The following SPAG16 variants were observed in gnomAD, a reference collection of about 807,000 sequenced individuals.
SPAG16 encodes the protein sperm-associated antigen 16 protein.
In SPAG16, 86 loss-of-function variants were observed where a neutral mutation model predicts 80.4. The observed-to-expected ratio is 1.07, with a 90% CI of 0.90 to 1.28. SPAG16 has a LOEUF of 1.28. SPAG16 is among the 50% of genes most tolerant of loss of function. SPAG16 has a pLI of 0.00. For missense variants in SPAG16, 870 were observed against 765.3 expected, an observed-to-expected ratio of 1.14 and a Z score of -1.61; for synonymous variants, 294 against 265.9, an observed-to-expected ratio of 1.11 and a Z score of -1.03.
chr2:214,401,844 C>T (rs1701725909), intron 15 of SPAG16, among the ~76,000 whole-genome samples: 1 of 151,740 alleles, frequency 6.6e-6, no homozygotes, highest in Non-Finnish European at 1.5e-5. Flanking sequence ...ATTTTGTAAC[C>T]TTTTTGCTAG....
intron 15 of SPAG16, among the ~76,000 whole-genome samples, chr2:214,353,567 C>T (rs1307701522): frequency 1.3e-5 from 2 of 152,086 alleles, no homozygotes; most frequent in Non-Finnish European, 2.9e-5. Flanking sequence ...ACTGCCTTTA[C>T]AAAGTCCTGT....
intron 9 of SPAG16, among the ~76,000 whole-genome samples, chr2:213,420,953 G>T (rs1054644257): frequency 6.6e-6 from 1 of 152,368 alleles, no homozygotes; most frequent in South Asian, 2.1e-4. Flanking sequence ...TGGCTGCTGT[G>T]AAGACAATGG....
At chr2:214,266,961 C>T (rs1449448431) in intron 15 of SPAG16, among the ~76,000 whole-genome samples, 1 of 150,838 alleles carries the variant, frequency 6.6e-6, no homozygotes, top group African/African-American at 2.4e-5. Context: ...GGAAAGATAC[C>T]CCATGTTTGT....
intron 10 of SPAG16, among the ~76,000 whole-genome samples, chr2:213,804,486 G>A (rs750892835): frequency 7.2e-5 from 11 of 151,976 alleles, no homozygotes; most frequent in East Asian, 1.9e-4. Context: ...GATCGAGACC[G>A]TCCTGGCTAA....
At chr2:213,812,952 G>A (rs551105075) in intron 10 of SPAG16, among the ~76,000 whole-genome samples, 1 of 152,116 alleles carries the variant, frequency 6.6e-6, no homozygotes, top group East Asian at 1.9e-4. Flanking sequence ...AAAAGATTAA[G>A]AAACAGCCTT....
At chr2:214,112,214 G>A (rs2053700903) in intron 14 of SPAG16, among the ~76,000 whole-genome samples, 1 of 152,144 alleles carries the variant, frequency 6.6e-6, no homozygotes, top group Admixed American at 6.6e-5. Flanking sequence ...ATTTGCTGAG[G>A]AGTGCTTTAC....
At chr2:214,044,121 T>G (rs1011065237) in intron 13 of SPAG16, among the ~76,000 whole-genome samples, 1 of 152,186 alleles carries the variant, frequency 6.6e-6, no homozygotes, top group East Asian at 1.9e-4. Flanking sequence ...TTATATTTCA[T>G]GTCAACATTT....
At chr2:213,987,719 G>A (rs929488580) in intron 12 of SPAG16, among the ~76,000 whole-genome samples, 1 of 151,178 alleles carries the variant, frequency 6.6e-6, no homozygotes, top group Non-Finnish European at 1.5e-5. Context: ...TTTTCAAAAG[G>A]TATGCATGCC....
intron 10 of SPAG16, among the ~76,000 whole-genome samples, chr2:213,598,994 T>A (rs973160679): frequency 1.3e-5 from 2 of 152,196 alleles, no homozygotes; most frequent in South Asian, 2.1e-4. Context: ...ATTGAGCAAA[T>A]GTGTATAGGA....
At chr2:213,736,343 G>GAGTGC (rs2067281163) in intron 10 of SPAG16, among the ~76,000 whole-genome samples, 1 of 151,960 alleles carries the variant, frequency 6.6e-6, no homozygotes, top group Non-Finnish European at 1.5e-5. Context: ...ACCCAGGCTG[G>GAGTGC]AGTGCAGTGG....
At chr2:213,830,046 T>C (rs1234592307) in intron 10 of SPAG16, among the ~76,000 whole-genome samples, 1 of 152,180 alleles carries the variant, frequency 6.6e-6, no homozygotes, top group Non-Finnish European at 1.5e-5. Flanking sequence ...CCAAGTCCAC[T>C]GGCTCCATTG....
At chr2:213,454,664 A>G (rs914500692) in intron 9 of SPAG16, among the ~76,000 whole-genome samples, 1 of 152,198 alleles carries the variant, frequency 6.6e-6, no homozygotes, top group African/African-American at 2.4e-5. Flanking sequence ...TGACTTTCTA[A>G]GCAGCCTGAG....
In SPAG16 at chr2:213,442,102, C is replaced by T. The variant is rs184730785; in HGVS notation, c.943-47861C>T. Among the ~76,000 whole-genome samples, 74 of 152,252 alleles carry T rather than the reference C, an allele frequency of 4.9e-4. 1 individual carries two copies. In the South Asian group the frequency reaches 0.013, roughly 26 times the overall value. On this transcript the variant is annotated intron_variant, in intron 9 of 15. Transcript: ENST00000331683. ...GGCGGATGTTGCAGTGAGCCGAGAT[C>T]GCCCCACTGCACTCCAGCTTGGGCG...
At chr2:214,160,723 G>T (rs2056404116) in intron 15 of SPAG16, among the ~76,000 whole-genome samples, 1 of 151,960 alleles carries the variant, frequency 6.6e-6, no homozygotes, top group Non-Finnish European at 1.5e-5. Context: ...ACTATGTTTT[G>T]CTATGCATTC....
intron 10 of SPAG16, among the ~76,000 whole-genome samples, chr2:213,678,876 C>T (rs2064235425): frequency 6.6e-6 from 1 of 152,116 alleles, no homozygotes; most frequent in Admixed American, 6.6e-5. Context: ...TACCGTTTTG[C>T]CCCCATCTCA....
intron 15 of SPAG16, among the ~76,000 whole-genome samples, chr2:214,187,766 C>T (rs983321292): frequency 3.3e-5 from 5 of 151,622 alleles, no homozygotes; most frequent in African/African-American, 1.2e-4. Flanking sequence ...ACTCTTATAA[C>T]TCCATATCGC....
At chr2:213,533,653 G>A (rs1393990765) in intron 10 of SPAG16, among the ~76,000 whole-genome samples, 1 of 151,932 alleles carries the variant, frequency 6.6e-6, no homozygotes, top group Non-Finnish European at 1.5e-5. Context: ...GTATTTTTTA[G>A]GAAGGAACTC....
intron 10 of SPAG16, among the ~76,000 whole-genome samples, chr2:213,525,459 T>C (rs976424623): frequency 6.6e-6 from 1 of 151,832 alleles, no homozygotes; most frequent in Non-Finnish European, 1.5e-5. Context: ...CAGCTAATTT[T>C]TGTATTTTTA....
chr2:213,882,282 C>A (rs1407098193), intron 11 of SPAG16, among the ~76,000 whole-genome samples: 2 of 152,030 alleles, frequency 1.3e-5, no homozygotes, highest in African/African-American at 4.8e-5. Context: ...GATACTGACC[C>A]AAAGATCCTT....
Sources: allele counts gnomAD v4.1 joint callset (sites outside exome capture counted in the v4.1 genomes callset), GRCh38; gene constraint gnomAD v4.1.1; transcripts MANE v1.5; gene names NCBI Gene and HGNC (gene_info 2026-07-23, HGNC 2026-07-21).